The following DIP2C variants were observed in gnomAD, a reference collection of about 807,000 sequenced individuals.
DIP2C encodes DIP2 acetate--CoA ligase C (putative), also known as disco-interacting protein 2 homolog C.
A neutral mutation model predicts 192.4 loss-of-function variants in DIP2C; 33 were observed. The observed-to-expected ratio is 0.17, with a 90% CI of 0.13 to 0.23. DIP2C has a LOEUF of 0.23. DIP2C is among the 10% of genes least tolerant of loss of function. The pLI, the probability that DIP2C is intolerant of heterozygous loss-of-function variation, is 1.00. For synonymous variants in DIP2C, 979 were observed against 864.1 expected, an observed-to-expected ratio of 1.13 and a Z score of -2.33; for missense variants, 1,537 against 2,110.1, an observed-to-expected ratio of 0.73 and a Z score of 5.32.
chr10:533,366 GAC>G (rs1847523953), intron 1 of DIP2C, among the ~76,000 whole-genome samples: 1 of 152,138 alleles, frequency 6.6e-6, no homozygotes, highest in Non-Finnish European at 1.5e-5. Flanking sequence ...TGCTCAGGGG[GAC>G]ACAGCTTTCT....
chr10:519,092 G>A (rs1405226153), intron 1 of DIP2C, among the ~76,000 whole-genome samples: 1 of 152,294 alleles, frequency 6.6e-6, no homozygotes, highest in African/African-American at 2.4e-5. Flanking sequence ...TGCAGCCCAA[G>A]GGCTTCCGAT....
chr10:368,676 G>A (rs966174029), intron 18 of DIP2C, among the ~76,000 whole-genome samples: 1 of 152,232 alleles, frequency 6.6e-6, no homozygotes, highest in Non-Finnish European at 1.5e-5. Context: ...GGTCCCTGCT[G>A]AGGCCCACCT....
chr10:670,564 A>T (rs1588736371), intron 1 of DIP2C, among the ~76,000 whole-genome samples: 1 of 152,216 alleles, frequency 6.6e-6, no homozygotes, highest in African/African-American at 2.4e-5. Context: ...ATCCATTTTA[A>T]ACGTGACCAT....
intron 32 of DIP2C, among the ~76,000 whole-genome samples, chr10:304,954 C>T (rs1430213943): frequency 6.6e-6 from 1 of 152,206 alleles, no homozygotes; most frequent in South Asian, 2.1e-4. Flanking sequence ...ACACACGACA[C>T]GTGCAAAGCC....
chr10:517,057 C>A (rs1846410480), intron 1 of DIP2C, among the ~76,000 whole-genome samples: 1 of 151,814 alleles, frequency 6.6e-6, no homozygotes, highest in African/African-American at 2.4e-5. Flanking sequence ...CACAGAGGTT[C>A]AGGTCTAGTG....
chr10:592,355 CA>C (rs767535347), intron 1 of DIP2C, among the ~76,000 whole-genome samples: 1 of 151,988 alleles, frequency 6.6e-6, no homozygotes, highest in African/African-American at 2.4e-5. Flanking sequence ...TTATCTTCTA[CA>C]AAAAATCCTG....
chr10:285,230 TG>T (rs1012238341), intron 34 of DIP2C, among the ~76,000 whole-genome samples: 1 of 151,260 alleles, frequency 6.6e-6, no homozygotes, highest in African/African-American at 2.4e-5. Flanking sequence ...GCTTGCTCAT[TG>T]GTCAGGTGTT....
chr10:472,325 G>C lies in DIP2C; in HGVS notation c.268+114C>G, dbSNP rs1017681434. 3.5e-6 allele frequency: 3 copies of C among 869,306 alleles called. No individual in the cohort carries two copies. The Admixed American group carries it at 7.0e-5, about 20-fold the overall frequency. 53.8% of individuals were successfully genotyped at this position (869,306 alleles called of 1,614,324 possible). ...CCGTGCAGAAAGCTGGAGGCCCCTC[G>C]CGTGCTGCAGGTCCACGCCCACTGC... On this transcript the variant is annotated intron_variant, in intron 3 of 36. Transcript: ENST00000280886.
intron 1 of DIP2C, among the ~76,000 whole-genome samples, chr10:511,188 C>G (rs1845990133): frequency 6.6e-6 from 1 of 152,188 alleles, no homozygotes; most frequent in East Asian, 1.9e-4. Context: ...GCTTGGCCAG[C>G]CAGCAGGGGG....
In DIP2C at chr10:327,268, T is replaced by C. The variant is rs531454247; in HGVS notation, c.3754-92A>G. The C allele has an allele frequency of 5.3e-5, 76 of 1,438,976 alleles. No individual in the cohort carries two copies. The Middle Eastern group carries it at 2.2e-3, about 42-fold the overall frequency. 89.1% of individuals were successfully genotyped at this position (1,438,976 alleles called of 1,614,324 possible). A position where few individuals can be genotyped will look rare whatever the true frequency, so the allele number is the denominator to read the frequency against. On this transcript the variant is annotated intron_variant, in intron 30 of 36. Coordinates refer to ENST00000280886, the MANE Select transcript of DIP2C (RefSeq NM_014974.3). ...CTTCCCACAGATCCCCACGTAAACA[T>C]TGGAAAACTCAACACAGCTATGCAT...
intron 1 of DIP2C, among the ~76,000 whole-genome samples, chr10:587,023 G>C (rs1233320544): frequency 2.1e-5 from 3 of 141,212 alleles, no homozygotes; most frequent in African/African-American, 7.8e-5. Context: ...AGGGTCTAAG[G>C]CCGGACCACC....
intron 2 of DIP2C, among the ~76,000 whole-genome samples, chr10:485,862 G>A (rs572097632): frequency 9.9e-5 from 15 of 152,244 alleles, no homozygotes; most frequent in Non-Finnish European, 1.9e-4. Flanking sequence ...GCTGGGAACT[G>A]AGGTGCTAGA....
intron 1 of DIP2C, among the ~76,000 whole-genome samples, chr10:644,372 A>G (rs74686207): frequency 0.016 from 2,435 of 152,406 alleles, 52 homozygotes; most frequent in African/African-American, 0.055. Context: ...AAGAAGAGTG[A>G]AGCTGTTGAA....
chr10:422,821 C>T lies in DIP2C; in HGVS notation c.604+3G>A. 1 of 1,610,648 alleles carries T rather than the reference C, an allele frequency of 6.2e-7. No homozygotes were observed. The highest frequency in any genetic ancestry group is 8.5e-7 in the Non-Finnish European group (1 of 1,179,532). On this transcript the variant is annotated splice_donor_region_variant and intron_variant, in intron 5 of 36. Coordinates refer to ENST00000280886, the MANE Select transcript of DIP2C (RefSeq NM_014974.3). ...ACAGAAAGACACCGTGAAGCGTGCT[C>T]ACCTATGTGGGTCTGAGCCATGACG...
In DIP2C at chr10:327,108, T is replaced by A; in HGVS notation, c.3822A>T (p.Ala1274=). 1 of 1,613,994 alleles carries A rather than the reference T, an allele frequency of 6.2e-7. No homozygotes were observed. Among genetic ancestry groups the A allele is most frequent in the Non-Finnish European group, 8.5e-7 (1 of 1,180,008 alleles). The part of the protein sequence containing the change: ...VVVAEERPRI[A]LTQSFSKLFK... ...ACAGCTTTGAGAACGACTGTGTGAG[T>A]GCGATCCGAGGCCTCTCTTCCGCCA... is the stretch of plus-strand genomic sequence containing the variant. Residue 1274 remains alanine (A), a synonymous_variant, in exon 31 of 37, where the codon GCA becomes GCT. Transcript: ENST00000280886.
rs149509363 is a variant in DIP2C at position 516,921 on chromosome 10, G to T, written c.86-30391C>A. Among the ~76,000 whole-genome samples, 474 of 150,306 alleles carry T rather than the reference G, an allele frequency of 3.2e-3. 5 individuals carry two copies. The highest frequency in any genetic ancestry group is 0.011 in the African/African-American group (458 of 40,842). ...CCTCGCAGAGCTCAGGATGAACCCA[G>T]TTTCCAGGCCCGGGGCCATCATCAG... On this transcript the variant is annotated intron_variant, in intron 1 of 36. Transcript: ENST00000280886.
At chr10:520,789 G>A (rs1342407932) in intron 1 of DIP2C, among the ~76,000 whole-genome samples, 1 of 152,202 alleles carries the variant, frequency 6.6e-6, no homozygotes, top group Non-Finnish European at 1.5e-5. Flanking sequence ...TTAACAATTT[G>A]TCTTCTCAGA....
chr10:386,871 T>G (rs1564646524), intron 14 of DIP2C, among the ~76,000 whole-genome samples: 1 of 152,206 alleles, frequency 6.6e-6, no homozygotes. Flanking sequence ...TAAGCAGTCA[T>G]GCTCCACGTA....
At chr10:617,420 CTG>C (rs1204722994) in intron 1 of DIP2C, among the ~76,000 whole-genome samples, 35 of 152,298 alleles carry the variant, frequency 2.3e-4, no homozygotes, top group Admixed American at 1.4e-3. Flanking sequence ...GCTGTGGAGA[CTG>C]AGACCACACA....
Sources: gnomAD v4.1 joint callset for allele counts (sites outside exome capture counted in the v4.1 genomes callset) on GRCh38, gnomAD v4.1.1 for gene constraint, MANE v1.5 for transcripts, NCBI Gene and HGNC (gene_info 2026-07-23, HGNC 2026-07-21) for gene names.